The following ZZEF1 variants were observed in gnomAD, a reference collection of about 807,000 sequenced individuals.
ZZEF1 encodes zinc finger ZZ-type and EF-hand domain containing 1.
In ZZEF1, 157 loss-of-function variants were observed where a neutral mutation model predicts 342.8. The ratio of observed to expected loss-of-function variants is 0.46; its 90% CI spans 0.40 to 0.52. The LOEUF (loss-of-function observed/expected upper bound fraction) is 0.52, where lower values mean the gene tolerates loss of function less well. Ranked by LOEUF, ZZEF1 falls within the 20% of genes least tolerant of loss-of-function variation. ZZEF1 has a pLI of 0.00. For synonymous variants in ZZEF1, 1,505 were observed against 1,429.1 expected (o/e 1.05, Z -1.20); for missense variants, 3,480 against 3,725.6 (o/e 0.93, Z 1.72).
intron 44 of ZZEF1, 82 bp from the exon 45 acceptor site, chr17:4,021,402 G>T: frequency 8.7e-7 from 1 of 1,154,278 alleles, no homozygotes. Context: ...GAAAATATTG[G>T]GCCTAACTTT....
intron 46 of ZZEF1, 44 bp from the exon 47 acceptor site, chr17:4,018,015 G>A: frequency 6.2e-7 from 1 of 1,605,258 alleles, no homozygotes; most frequent in Non-Finnish European, 8.5e-7. Context: ...AGTGTAGACA[G>A]GCCAGTTTTA....
rs771001612 is a variant in ZZEF1, at chr17:4,006,769, G to C, written c.*121C>G. ...ACGTGGCTGCTTGGCATCCTAACTG[G>C]AGTGGTCAGCTCAAGGAGAGCTGGG... is the stretch of plus-strand genomic sequence containing the variant. On this transcript the variant is annotated 3_prime_UTR_variant, in exon 55 of 55. Transcript: ENST00000381638. 2.1e-4 allele frequency: 218 copies of C among 1,026,976 alleles called. No homozygotes were observed. The highest frequency in any genetic ancestry group is 3.0e-4 in the Non-Finnish European group (204 of 672,678). The allele number at this position is 1,026,976 out of a possible 1,614,324, so 63.6% of individuals were successfully genotyped here.
intron 38 of ZZEF1, 77 bp from the exon 39 acceptor site, chr17:4,042,645 C>T: frequency 7.3e-7 from 1 of 1,365,214 alleles, no homozygotes; most frequent in Non-Finnish European, 1.0e-6. Flanking sequence ...ACTGCACTGT[C>T]CCCTGTGCTG....
chr17:4,039,641 C>CT (rs1166970366), intron 39 of ZZEF1, among the ~76,000 whole-genome samples: 11,901 of 119,544 alleles, frequency 0.1, 1,236 homozygotes, highest in African/African-American at 0.2. Context: ...AGAAAGAGAA[C>CT]TTTTTTTTTT....
Position 4,062,735 on chromosome 17 carries a change from C to T in ZZEF1, c.4883+18G>A, listed in dbSNP as rs1311528013. The stretch of plus-strand genomic sequence containing the variant: ...TGATCTTTGCTGTTTTCCTTCTGGA[C>T]CTGTCCTTTGTACTTACTTGGTAAA... On this transcript the variant is annotated intron_variant, in intron 30 of 54. Transcript: ENST00000381638. The T allele has an allele frequency of 6.3e-6, 10 of 1,581,342 alleles. No homozygotes were observed. The highest frequency in any genetic ancestry group is 8.6e-6 in the Non-Finnish European group (10 of 1,162,586).
At position 4,142,669 on chromosome 17, in the gene ZZEF1, T is replaced by A; in HGVS notation, c.227A>T (p.His76Leu). ...CAGCCAGCGAAACAACGCGCCGCGA[T>A]GCCTCGACACCAGCGACTCGCAGGG... ...TPPCESLVSR[H>L]RGALFRWLEE... Residue 76 changes from histidine (H) to leucine (L), a missense_variant, in exon 1 of 55, where the codon CAT (histidine) becomes CTT (leucine). His to Leu is a moderately conservative substitution (Grantham distance 99). Coordinates refer to ENST00000381638, the MANE Select transcript of ZZEF1 (RefSeq NM_015113.4). 1 of 1,607,420 alleles carries A rather than the reference T, an allele frequency of 6.2e-7. No homozygotes were observed. The highest frequency in any genetic ancestry group is 8.5e-7 in the Non-Finnish European group (1 of 1,179,648).
chr17:4,106,210 T>A (rs572910817), intron 6 of ZZEF1, among the ~76,000 whole-genome samples: 1 of 152,214 alleles, frequency 6.6e-6, no homozygotes, highest in Non-Finnish European at 1.5e-5. Flanking sequence ...CCTCCCACAG[T>A]GCTATGATTA....
Position 4,138,245 on chromosome 17 carries a change from A to G in ZZEF1, c.354+4297T>C, listed in dbSNP as rs75367677. Among the ~76,000 whole-genome samples the G allele has an allele frequency of 4.5e-3, 680 of 152,332 alleles. 4 individuals carry two copies. Among genetic ancestry groups the G allele is most frequent in the African/African-American group, 0.016 (647 of 41,574 alleles). On this transcript the variant is annotated intron_variant, in intron 1 of 54. Coordinates refer to ENST00000381638, the MANE Select transcript of ZZEF1 (RefSeq NM_015113.4). ...CACACACACAGCTCTTACAGTCAAT[A>G]GTCTTAAAAGGGCAGATAATCACAT...
At position 4,028,899 on chromosome 17, in the gene ZZEF1, T is replaced by C. The variant is rs2145032710; in HGVS notation, c.6892+3227A>G. 3.3e-5 allele frequency among the ~76,000 whole-genome samples: 5 copies of C among 152,320 alleles called. No homozygotes were observed. In the South Asian group the frequency reaches 1.0e-3, roughly 32 times the overall value. On this transcript the variant is annotated intron_variant, in intron 42 of 54. Transcript: ENST00000381638. ...CTAAAGGATGACTACTCTATGCAAA[T>C]GCTATTTTTAAAAATGCAAGAGAGG...
intron 9 of ZZEF1, among the ~76,000 whole-genome samples, chr17:4,100,987 G>A (rs2058118167): frequency 6.6e-6 from 1 of 152,224 alleles, no homozygotes; most frequent in African/African-American, 2.4e-5. Context: ...AAAGGGACAA[G>A]GAGCTAACAC....
At chr17:4,139,288 G>A (rs569763879) in intron 1 of ZZEF1, among the ~76,000 whole-genome samples, 2 of 151,948 alleles carry the variant, frequency 1.3e-5, no homozygotes, top group African/African-American at 2.4e-5. Context: ...AGACAGCTGC[G>A]TGGACACCAA....
chr17:4,067,179 C>A lies in ZZEF1; in HGVS notation c.4139G>T (p.Gly1380Val). 6.2e-7 allele frequency: 1 copy of A among 1,612,606 alleles called. No individual in the cohort carries two copies. The highest frequency in any genetic ancestry group is 8.5e-7 in the Non-Finnish European group (1 of 1,179,434). The change falls in exon 27 of 55, where the codon GGG becomes GTG. Residue 1380 changes from glycine to valine, a missense_variant. Gly to Val is a moderately radical substitution (Grantham distance 109, BLOSUM62 -3). Coordinates refer to ENST00000381638, the MANE Select transcript of ZZEF1 (RefSeq NM_015113.4). Reference protein sequence around the residue: ...EFAQVYSLADGIRIWMLEMKQ... With the variant: ...EFAQVYSLADVIRIWMLEMKQ... Reference sequence around the variant, plus strand: ...AAATCTTACCATCCATATTCGAATCCCATCTGCCAAGGAATAAACCTGGGC... The same window carrying A: ...AAATCTTACCATCCATATTCGAATCACATCTGCCAAGGAATAAACCTGGGC...
rs1391731542 is a variant in ZZEF1 at position 4,022,718 on chromosome 17, C to T, written c.7203G>A (p.Arg2401=). 1.2e-6 allele frequency: 2 copies of T among 1,613,686 alleles called. No individual in the cohort carries two copies. The highest frequency in any genetic ancestry group is 2.2e-5 in the East Asian group (1 of 44,868). ...CCCTCTCGTCTCTTACTTCCAGGTCCCGGAGGAGCCACGTTTTACTAAAGC... is the reference window on the plus strand; with the variant it reads ...CCCTCTCGTCTCTTACTTCCAGGTCTCGGAGGAGCCACGTTTTACTAAAGC... ...GTGFSKTWLL[R]DLEILSIMLY... Residue 2401 remains arginine (R), a synonymous_variant, in exon 44 of 55, where the codon CGG becomes CGA. Transcript: ENST00000381638.
At chr17:4,054,282 G>A (rs2057110570) in intron 33 of ZZEF1, 87 bp from the exon 34 acceptor site, 1 of 1,424,468 alleles carries the variant, frequency 7.0e-7, no homozygotes, top group South Asian at 1.3e-5. Flanking sequence ...ACTAGGTACT[G>A]AAGATGTTCC....
At chr17:4,117,383 C>T (rs1008289806) in intron 2 of ZZEF1, among the ~76,000 whole-genome samples, 104 of 152,268 alleles carry the variant, frequency 6.8e-4, no homozygotes, top group African/African-American at 2.4e-3. Context: ...CAGTGGCTCA[C>T]GCCTGTAATC....
intron 52 of ZZEF1, among the ~76,000 whole-genome samples, chr17:4,011,603 C>T (rs1459303941): frequency 6.6e-6 from 1 of 151,512 alleles, no homozygotes; most frequent in Non-Finnish European, 1.5e-5. Context: ...TTAATTCCAA[C>T]TCAATATCCT....
chr17:4,086,543 T>A lies in ZZEF1; in HGVS notation c.2455A>T (p.Ile819Phe). The A allele has an allele frequency of 6.2e-7, 1 of 1,614,180 alleles. No individual in the cohort carries two copies. The stretch of plus-strand genomic sequence containing the variant: ...GCCTCTACTCCTTTAGGGCTTTGGA[T>A]TGGAGCCTTTTCCTCCTCAGAAGCA... ...LAASEEEKAP[I>F]QSPKGVEAAK... The change falls in exon 15 of 55, where the codon ATC becomes TTC. Residue 819 changes from isoleucine to phenylalanine, a missense_variant. Physicochemically the swap from Ile to Phe is conservative, Grantham distance 21. Transcript: ENST00000381638.
Position 4,008,655 on chromosome 17 carries a change from C to G in ZZEF1, c.8805+228G>C. ...GCATCGGTTGTTTTGGTTTTAAAGA[C>G]ACAAATTCTTCTGACCCCACAGTTT... On this transcript the variant is annotated intron_variant, in intron 54 of 54. Coordinates refer to ENST00000381638, the MANE Select transcript of ZZEF1 (RefSeq NM_015113.4). This position sits in a 1 kb window ranked among gnomAD's most constrained non-coding sequence, Gnocchi z 4.2. 2.4e-6 allele frequency: 3 copies of G among 1,241,550 alleles called. No individual in the cohort carries two copies. The highest frequency in any genetic ancestry group is 3.0e-6 in the Non-Finnish European group (3 of 991,188). The allele number at this position is 1,241,550 out of a possible 1,614,324, so 76.9% of individuals were successfully genotyped here.
Position 4,088,986 on chromosome 17 carries a change from A to G in ZZEF1, c.2026-93T>C, listed in dbSNP as rs974026907. On this transcript the variant is annotated intron_variant, in intron 12 of 54. Transcript: ENST00000381638. The stretch of plus-strand genomic sequence containing the variant: ...AAGGCCTTTCCGGGAAGGTCTTCCT[A>G]TGATTTTCGTAATTTATTAGGAAAC... The G allele has an allele frequency of 2.4e-5, 29 of 1,187,742 alleles. No individual in the cohort carries two copies. In the African/African-American group the frequency reaches 3.7e-4, roughly 15 times the overall value. The allele number at this position is 1,187,742 out of a possible 1,614,324, so 73.6% of individuals were successfully genotyped here.
Sources: allele counts gnomAD v4.1 joint callset (sites outside exome capture counted in the v4.1 genomes callset), GRCh38; gene constraint gnomAD v4.1.1; non-coding constraint Gnocchi (gnomAD v3.1); transcripts MANE v1.5; gene names NCBI Gene and HGNC (gene_info 2026-07-23, HGNC 2026-07-21).